Variants in SMIM14 observed in about 807,000 individuals in gnomAD.
The protein encoded by SMIM14 is chromosome 4 open reading frame 34.
Under a neutral mutation model 12.6 loss-of-function variants are expected in SMIM14, and 5 were observed. That is an observed-to-expected ratio of 0.40 (90% confidence interval 0.21 to 0.83). The LOEUF (loss-of-function observed/expected upper bound fraction) is 0.83, where lower values mean the gene tolerates loss of function less well. Among genes scored for constraint, SMIM14 ranks in the 40% least tolerant of loss-of-function variants. The pLI, the probability that SMIM14 is intolerant of heterozygous loss-of-function variation, is 0.37. For missense variants in SMIM14, 86 were observed against 119.1 expected (o/e 0.72, Z 1.29); for synonymous variants, 30 against 40.1 (o/e 0.75, Z 0.95).
intron 2 of SMIM14, among the ~76,000 whole-genome samples, chr4:39,594,946 A>G (rs998772016): frequency 2.0e-5 from 3 of 150,958 alleles, no homozygotes; most frequent in African/African-American, 7.3e-5. Flanking sequence ...ACACTTTTAC[A>G]CTGTTGGTGG....
At chr4:39,572,853 T>C (rs1463876362) in intron 2 of SMIM14, among the ~76,000 whole-genome samples, 1 of 152,010 alleles carries the variant, frequency 6.6e-6, no homozygotes, top group African/African-American at 2.4e-5. Context: ...TTTTGTTTTT[T>C]TGAGACAGGG....
Position 39,552,066 on chromosome 4 carries a change from T to A in SMIM14, c.*60A>T. ...TCTAATGGGGTTAAGAGTACTCTGG[T>A]CATCTTCGTTCGTTTGGTCGTGCAA... On this transcript the variant is annotated 3_prime_UTR_variant, in exon 5 of 5. Transcript: ENST00000295958. 7.1e-7 allele frequency: 1 copy of A among 1,407,756 alleles called. No individual in the cohort carries two copies. Among genetic ancestry groups the A allele is most frequent in the Admixed American group, 2.0e-5 (1 of 48,912 alleles). The allele number at this position is 1,407,756 out of a possible 1,614,324, so 87.2% of individuals were successfully genotyped here.
At chr4:39,567,143 GAAA>G (rs1168446466) in intron 3 of SMIM14, among the ~76,000 whole-genome samples, 123 of 72,098 alleles carry the variant, frequency 1.7e-3, no homozygotes, top group African/African-American at 5.8e-3. Context: ...CTCAAAAAAA[GAAA>G]AAAAAAAAAA....
intron 3 of SMIM14, among the ~76,000 whole-genome samples, chr4:39,565,690 T>A (rs551314715): frequency 1.3e-5 from 2 of 152,128 alleles, no homozygotes; most frequent in African/African-American, 4.8e-5. Flanking sequence ...ACTCCATCTG[T>A]TGTGTTTTGA....
At chr4:39,632,788 C>G in intron 1 of SMIM14, among the ~76,000 whole-genome samples, 1 of 130,126 alleles carries the variant, frequency 7.7e-6, no homozygotes, top group Admixed American at 7.4e-5. Flanking sequence ...CACACACACA[C>G]ACACACACAC....
intron 2 of SMIM14, among the ~76,000 whole-genome samples, chr4:39,586,718 C>T (rs1188961282): frequency 1.3e-5 from 2 of 152,044 alleles, no homozygotes; most frequent in Non-Finnish European, 2.9e-5. Context: ...GTCACTTACC[C>T]GTTTTTAGGT....
At chr4:39,590,471 T>C (rs1055393703) in intron 2 of SMIM14, among the ~76,000 whole-genome samples, 32 of 151,058 alleles carry the variant, frequency 2.1e-4, no homozygotes, top group Non-Finnish European at 1.2e-4. Context: ...CAACTTTCTA[T>C]ACATATACTA....
chr4:39,628,469 T>C (rs935239442), intron 1 of SMIM14, among the ~76,000 whole-genome samples: 2 of 151,736 alleles, frequency 1.3e-5, no homozygotes, highest in Non-Finnish European at 2.9e-5. Context: ...GGTCAGGAAA[T>C]CAAGACCAGC....
At chr4:39,587,272 G>A (rs13108587) in intron 2 of SMIM14, among the ~76,000 whole-genome samples, 36,357 of 151,340 alleles carry the variant, frequency 0.24, 5,649 homozygotes, top group Middle Eastern at 0.36. Context: ...CGAGGTGGGT[G>A]GATCACGAGG....
chr4:39,582,676 G>C (rs72624133), intron 2 of SMIM14, among the ~76,000 whole-genome samples: 2 of 98,790 alleles, frequency 2.0e-5, no homozygotes, highest in African/African-American at 9.0e-5. Context: ...AAAAAAAAAA[G>C]AAAGGGTCTT....
chr4:39,623,972 A>G (rs1266241668), intron 1 of SMIM14, among the ~76,000 whole-genome samples: 1 of 152,222 alleles, frequency 6.6e-6, no homozygotes, highest in Non-Finnish European at 1.5e-5. Context: ...AAAGTTTAAA[A>G]AAATAGAACG....
intron 4 of SMIM14, among the ~76,000 whole-genome samples, chr4:39,555,125 C>T (rs1386379223): frequency 6.7e-6 from 1 of 149,538 alleles, no homozygotes; most frequent in Non-Finnish European, 1.5e-5. Flanking sequence ...CATGAGCCAC[C>T]GCGCCCGGCC....
intron 1 of SMIM14, among the ~76,000 whole-genome samples, chr4:39,619,187 AATTT>A (rs1188599464): frequency 4.8e-5 from 7 of 147,036 alleles, no homozygotes; most frequent in Non-Finnish European, 1.0e-4. Context: ...CAATAAATAT[AATTT>A]AATTTATTCT....
chr4:39,589,088 T>C (rs2110035050), intron 2 of SMIM14, among the ~76,000 whole-genome samples: 1 of 152,190 alleles, frequency 6.6e-6, no homozygotes, highest in Non-Finnish European at 1.5e-5. Flanking sequence ...AGAAACAAAT[T>C]TACTTTATTT....
chr4:39,593,429 A>C (rs1247950781), intron 2 of SMIM14: 1 of 152,170 alleles, frequency 6.6e-6, no homozygotes, highest in Non-Finnish European at 1.5e-5. Flanking sequence ...TATCTATGAC[A>C]AACCCACAGC....
At chr4:39,623,652 G>A (rs150696451) in intron 1 of SMIM14, among the ~76,000 whole-genome samples, 3,428 of 152,272 alleles carry the variant, frequency 0.023, 153 homozygotes, top group African/African-American at 0.077. Context: ...CTGAGGCCAA[G>A]AGTTCAACAC....
At position 39,551,955 on chromosome 4, in the gene SMIM14, A is replaced by G. The variant is rs1711734666; in HGVS notation, c.*171T>C. 2.2e-6 allele frequency: 1 copy of G among 457,082 alleles called. No homozygotes were observed. Among genetic ancestry groups the G allele is most frequent in the Non-Finnish European group, 3.9e-6 (1 of 254,820 alleles). The allele number at this position is 457,082 out of a possible 1,614,324, so 28.3% of individuals were successfully genotyped here. ...TAAATAGGAATGGCAGTAACACAGG[A>G]AGCAAAAATAAACTTGCAAGTGAAA... On this transcript the variant is annotated 3_prime_UTR_variant, in exon 5 of 5. Transcript: ENST00000295958.
intron 2 of SMIM14, among the ~76,000 whole-genome samples, chr4:39,597,496 C>T (rs749267351): frequency 6.5e-4 from 89 of 136,294 alleles, no homozygotes; most frequent in Non-Finnish European, 1.1e-3. Flanking sequence ...CAGGCTGGAG[C>T]ACAGTGGCAC....
chr4:39,554,144 G>A (rs1272164979), intron 4 of SMIM14, among the ~76,000 whole-genome samples: 6 of 152,164 alleles, frequency 3.9e-5, no homozygotes, highest in African/African-American at 9.7e-5. Context: ...ACAAGGTAAA[G>A]GTTGGAAAAG....
Sources: gnomAD v4.1 joint callset for allele counts (sites outside exome capture counted in the v4.1 genomes callset) on GRCh38, gnomAD v4.1.1 for gene constraint, MANE v1.5 for transcripts, NCBI Gene and HGNC (gene_info 2026-07-23, HGNC 2026-07-21) for gene names.